The following IKZF3 variants were observed in gnomAD, a reference collection of about 807,000 sequenced individuals.
IKZF3 encodes the protein zinc finger protein Aiolos.
A neutral mutation model predicts 49.0 loss-of-function variants in IKZF3; 10 were observed. The ratio of observed to expected loss-of-function variants is 0.20; its 90% CI spans 0.13 to 0.35. The LOEUF (loss-of-function observed/expected upper bound fraction) is 0.35. IKZF3 is among the 10% of genes least tolerant of loss of function. The probability of loss-of-function intolerance (pLI) is 1.00; values close to 1 mark genes in which losing one functional copy is unlikely to be tolerated. For missense variants in IKZF3, 498 were observed against 664.8 expected (o/e 0.75, Z 2.76); for synonymous variants, 209 against 228.2 (o/e 0.92, Z 0.76).
At chr17:39,799,394 T>C (rs886573640) in intron 3 of IKZF3, among the ~76,000 whole-genome samples, 7 of 152,194 alleles carry the variant, frequency 4.6e-5, no homozygotes, top group African/African-American at 1.7e-4. Flanking sequence ...ATGATTTCAT[T>C]TGCTTATAGA....
At chr17:39,799,029 G>C (rs1026423900) in intron 3 of IKZF3, among the ~76,000 whole-genome samples, 2 of 150,562 alleles carry the variant, frequency 1.3e-5, no homozygotes, top group African/African-American at 4.9e-5. Context: ...GTTTAACTCA[G>C]TATTCCCTAT....
At chr17:39,772,962 C>A (rs2060482097) in intron 7 of IKZF3, among the ~76,000 whole-genome samples, 2 of 152,222 alleles carry the variant, frequency 1.3e-5, no homozygotes, top group Middle Eastern at 6.8e-3. Flanking sequence ...ATTACAGGCA[C>A]CCACCACCAC....
chr17:39,850,925 T>C (rs555754321), intron 1 of IKZF3, among the ~76,000 whole-genome samples: 5 of 132,714 alleles, frequency 3.8e-5, no homozygotes, highest in Admixed American at 8.1e-5. Flanking sequence ...TATATACATA[T>C]ATTATATATA....
intron 7 of IKZF3, among the ~76,000 whole-genome samples, chr17:39,775,696 G>A (rs910357611): frequency 3.9e-5 from 6 of 152,146 alleles, no homozygotes; most frequent in Admixed American, 2.0e-4. Flanking sequence ...AGGCCAAGGC[G>A]GGTGGATCAC....
chr17:39,824,493 G>A (rs142970357), intron 3 of IKZF3, among the ~76,000 whole-genome samples: 170 of 152,204 alleles, frequency 1.1e-3, no homozygotes, highest in African/African-American at 3.8e-3. Flanking sequence ...GAGGACATGC[G>A]ATTTGAATGG....
chr17:39,802,930 C>T (rs1394752723), intron 3 of IKZF3, among the ~76,000 whole-genome samples: 3 of 152,052 alleles, frequency 2.0e-5, no homozygotes, highest in Non-Finnish European at 4.4e-5. Context: ...GAACTACCCT[C>T]AATTTTACTA....
In IKZF3 at chr17:39,864,110, G is replaced by A. The variant is rs75011133; in HGVS notation, c.7+10C>T. ...AGACCCCGGAGAAAAGAAGCGGGCTGGAGGCTCACCTTCCATGTCGCTGCC... is the reference window on the plus strand; with the variant it reads ...AGACCCCGGAGAAAAGAAGCGGGCTAGAGGCTCACCTTCCATGTCGCTGCC... On this transcript the variant is annotated intron_variant, in intron 1 of 7. Transcript: ENST00000346872. 293 of 1,612,934 alleles carry A rather than the reference G, an allele frequency of 1.8e-4. 1 individual carries two copies. The East Asian group carries it at 6.5e-3, about 36-fold the overall frequency.
At chr17:39,776,948 T>G (rs2060606454) in intron 7 of IKZF3, among the ~76,000 whole-genome samples, 1 of 152,254 alleles carries the variant, frequency 6.6e-6, no homozygotes, top group South Asian at 2.1e-4. Context: ...TTCAGCTGTC[T>G]ACTTCACAAA....
At chr17:39,817,012 C>A (rs1338848998) in intron 3 of IKZF3, among the ~76,000 whole-genome samples, 1 of 152,158 alleles carries the variant, frequency 6.6e-6, no homozygotes, top group African/African-American at 2.4e-5. Flanking sequence ...CCATGCCTGG[C>A]CAATATTAAT....
intron 7 of IKZF3, among the ~76,000 whole-genome samples, chr17:39,769,233 T>C (rs1567958650): frequency 6.6e-6 from 1 of 152,202 alleles, no homozygotes; most frequent in Non-Finnish European, 1.5e-5. Flanking sequence ...GAGCCAAGGC[T>C]ACCTGCCCTT....
chr17:39,822,767 A>G (rs1408301259), intron 3 of IKZF3, among the ~76,000 whole-genome samples: 1 of 151,978 alleles, frequency 6.6e-6, no homozygotes, highest in East Asian at 1.9e-4. Context: ...TATTTTTAGT[A>G]GAGACAGGGT....
chr17:39,789,898 C>CAAAAAA (rs1491574424), intron 5 of IKZF3, among the ~76,000 whole-genome samples: 3 of 42,282 alleles, frequency 7.1e-5, no homozygotes, highest in East Asian at 6.5e-4. Context: ...GACTCCGTCT[C>CAAAAAA]AAAAAAAAAA....
At chr17:39,860,849 G>A (rs577517465) in intron 1 of IKZF3, among the ~76,000 whole-genome samples, 1 of 152,212 alleles carries the variant, frequency 6.6e-6, no homozygotes, top group East Asian at 1.9e-4. Context: ...TAAGAAACCT[G>A]CACATGTACC....
chr17:39,791,271 A>C, intron 5 of IKZF3, 145 bp downstream of exon 5: 1 of 745,342 alleles, frequency 1.3e-6, no homozygotes, highest in South Asian at 1.8e-5. Flanking sequence ...ATGGTCGTGT[A>C]ATTAGCCCTA....
At chr17:39,824,402 G>A (rs1487841156) in intron 3 of IKZF3, among the ~76,000 whole-genome samples, 1 of 152,154 alleles carries the variant, frequency 6.6e-6, no homozygotes, top group Non-Finnish European at 1.5e-5. Flanking sequence ...TGAGACTTTG[G>A]ACTTGGACTT....
intron 1 of IKZF3, among the ~76,000 whole-genome samples, chr17:39,837,963 A>G (rs2062351592): frequency 6.6e-6 from 1 of 152,044 alleles, no homozygotes; most frequent in African/African-American, 2.4e-5. Context: ...GTTTCTGATG[A>G]GAAGTCAGTG....
At chr17:39,846,834 T>C (rs1265810768) in intron 1 of IKZF3, among the ~76,000 whole-genome samples, 4 of 152,044 alleles carry the variant, frequency 2.6e-5, no homozygotes, top group Non-Finnish European at 5.9e-5. Flanking sequence ...TTCTACTCCA[T>C]GGTCTGTTTT....
At chr17:39,800,012 T>C (rs1204199643) in intron 3 of IKZF3, among the ~76,000 whole-genome samples, 1 of 152,238 alleles carries the variant, frequency 6.6e-6, no homozygotes, top group East Asian at 1.9e-4. Flanking sequence ...CAGAAATGTT[T>C]ATTTTGCCCT....
intron 1 of IKZF3, among the ~76,000 whole-genome samples, 157 bp from the exon 2 acceptor site, chr17:39,832,308 C>G (rs1416990083): frequency 6.6e-6 from 1 of 151,758 alleles, no homozygotes; most frequent in South Asian, 2.1e-4. Context: ...CCCTAAAAGC[C>G]TTTCAAGGAG....
Sources: allele counts gnomAD v4.1 joint callset (sites outside exome capture counted in the v4.1 genomes callset), GRCh38; gene constraint gnomAD v4.1.1; transcripts MANE v1.5; gene names NCBI Gene and HGNC (gene_info 2026-07-23, HGNC 2026-07-21).